TCF7L2: variants seen among roughly 807,000 people sequenced by gnomAD.
TCF7L2 encodes transcription factor 7 like 2.
TCF7L2 carries 23 observed loss-of-function variants against 77.9 expected under a neutral mutation model. The ratio of observed to expected loss-of-function variants is 0.30; its 90% confidence interval spans 0.21 to 0.42. The LOEUF is 0.42. Ranked by LOEUF, TCF7L2 falls within the 10% of genes least tolerant of loss-of-function variation. The pLI is 1.00. For missense variants in TCF7L2, 654 were observed against 793.1 expected (o/e 0.82, Z 2.11); for synonymous variants, 413 against 340.2 (o/e 1.21, Z -2.36).
At chr10:113,072,093 G>A (rs1440678210) in intron 5 of TCF7L2, among the ~76,000 whole-genome samples, 2 of 152,298 alleles carry the variant, frequency 1.3e-5, no homozygotes, top group East Asian at 1.9e-4. Context: ...GTCTTGCTCT[G>A]TCGCCCAGGC....
chr10:113,009,991 T>G (rs964803940), intron 4 of TCF7L2, among the ~76,000 whole-genome samples: 3 of 152,024 alleles, frequency 2.0e-5, no homozygotes, highest in African/African-American at 7.2e-5. Flanking sequence ...TAACCCTGTG[T>G]GTCACCCACG....
chr10:113,095,340 C>G (rs1752029448), intron 5 of TCF7L2, among the ~76,000 whole-genome samples: 1 of 152,186 alleles, frequency 6.6e-6, no homozygotes, highest in Non-Finnish European at 1.5e-5. Flanking sequence ...CCTCTCTACC[C>G]CAGTTCATGC....
intron 5 of TCF7L2, among the ~76,000 whole-genome samples, chr10:113,044,691 T>C (rs1427885146): frequency 2.0e-5 from 3 of 152,110 alleles, no homozygotes; most frequent in Admixed American, 6.5e-5. Flanking sequence ...AAATGAGATC[T>C]GAAGGCTTGA....
intron 3 of TCF7L2, among the ~76,000 whole-genome samples, chr10:112,952,905 C>A (rs1158705038): frequency 1.3e-5 from 2 of 149,954 alleles, no homozygotes; most frequent in East Asian, 4.1e-4. Context: ...GCCTGGATTA[C>A]GAATCCCTGG....
chr10:112,973,987 G>C (rs143883180), intron 4 of TCF7L2, among the ~76,000 whole-genome samples: 17 of 152,148 alleles, frequency 1.1e-4, no homozygotes, highest in Non-Finnish European at 2.1e-4. Context: ...GAGGTGAATG[G>C]GTTGGTCCCA....
At position 113,060,805 on chromosome 10, in the gene TCF7L2, G is replaced by T. The variant is rs566276755; in HGVS notation, c.552+20679G>T. On this transcript the variant is annotated intron_variant, in intron 5 of 13. Coordinates refer to ENST00000627217, the MANE Select transcript of TCF7L2 (RefSeq NM_001146274.2). ...GAAAGAGGCGCTGTGTCCCCAAGGA[G>T]AAGACGCCGCCCAGAATGGCTGGAT... is the stretch of plus-strand genomic sequence containing the variant. 3.9e-5 allele frequency among the ~76,000 whole-genome samples: 6 copies of T among 152,152 alleles called. No individual in the cohort carries two copies. In the South Asian group the frequency reaches 1.2e-3, roughly 32 times the overall value.
In TCF7L2 at chr10:113,166,052, A is replaced by G. The variant is rs2137660474; in HGVS notation, c.*80A>G. 7.3e-7 allele frequency: 1 copy of G among 1,372,708 alleles called. No homozygotes were observed. Among genetic ancestry groups the G allele is most frequent in the Non-Finnish European group, 9.6e-7 (1 of 1,045,854 alleles). 85.0% of individuals were successfully genotyped at this position (1,372,708 alleles called of 1,614,324 possible). A position where few individuals can be genotyped will look rare whatever the true frequency, so the allele number is the denominator to read the frequency against. On this transcript the variant is annotated 3_prime_UTR_variant, in exon 14 of 14. Coordinates refer to ENST00000627217, the MANE Select transcript of TCF7L2 (RefSeq NM_001146274.2). ...ATTTGCCCCCCACCCCCACCTTGAA[A>G]GGTTTTGTTTTGTACTCTCTTAATT... is the stretch of plus-strand genomic sequence containing the variant.
rs1490899037 is a variant in TCF7L2 at position 113,166,322 on chromosome 10, A to G, written c.*350A>G. 11 of 242,004 alleles carry G rather than the reference A, an allele frequency of 4.5e-5. No individual in the cohort carries two copies. The highest frequency in any genetic ancestry group is 8.0e-5 in the Non-Finnish European group (10 of 124,954). 15.0% of individuals were successfully genotyped at this position (242,004 alleles called of 1,614,324 possible). ...CTGATTAAAAAACAAAAAGAAAAAAAAAGCAATTTTGAAGCAGCCCTCCAG... is the reference window on the plus strand; with the variant it reads ...CTGATTAAAAAACAAAAAGAAAAAAGAAGCAATTTTGAAGCAGCCCTCCAG... On this transcript the variant is annotated 3_prime_UTR_variant, in exon 14 of 14. Transcript: ENST00000627217.
intron 6 of TCF7L2, among the ~76,000 whole-genome samples, chr10:113,143,050 CT>C (rs2068662370): frequency 1.3e-5 from 2 of 152,220 alleles, no homozygotes; most frequent in Admixed American, 1.3e-4. Context: ...CCCTCCATTA[CT>C]CTGTTTTAAT....
At chr10:113,070,601 G>C (rs934458574) in intron 5 of TCF7L2, among the ~76,000 whole-genome samples, 9 of 152,186 alleles carry the variant, frequency 5.9e-5, no homozygotes, top group Admixed American at 5.2e-4. Flanking sequence ...GTGACATTTT[G>C]GAGTAGATAC....
intron 5 of TCF7L2, among the ~76,000 whole-genome samples, chr10:113,081,361 C>T (rs911546750): frequency 1.3e-5 from 2 of 152,216 alleles, no homozygotes; most frequent in Non-Finnish European, 2.9e-5. Flanking sequence ...TAGCAAGAAT[C>T]TCAGTATAAG....
rs763172072 is a variant in TCF7L2 at position 112,951,476 on chromosome 10, A to G, written c.257-7A>G. On this transcript the variant is annotated splice_polypyrimidine_tract_variant and splice_region_variant and intron_variant, in intron 2 of 13. Transcript: ENST00000627217. ...GCCGCTGTCCCCTCGCCGCCCCGCCATGTTAGCGGCCAAGAGGCAAGATGG... is the reference window on the plus strand; with the variant it reads ...GCCGCTGTCCCCTCGCCGCCCCGCCGTGTTAGCGGCCAAGAGGCAAGATGG... 1.4e-6 allele frequency: 2 copies of G among 1,415,450 alleles called. No homozygotes were observed. Among genetic ancestry groups the G allele is most frequent in the Non-Finnish European group, 9.4e-7 (1 of 1,061,416 alleles). 87.7% of individuals were successfully genotyped at this position (1,415,450 alleles called of 1,614,324 possible). A position where few individuals can be genotyped will look rare whatever the true frequency, so the allele number is the denominator to read the frequency against.
intron 8 of TCF7L2, among the ~76,000 whole-genome samples, chr10:113,147,945 C>G (rs1052720248): frequency 2.0e-5 from 3 of 151,884 alleles, no homozygotes; most frequent in Non-Finnish European, 4.4e-5. Flanking sequence ...CCAGGTAGGC[C>G]AAATGAAAGA....
intron 5 of TCF7L2, among the ~76,000 whole-genome samples, chr10:113,123,862 C>T (rs1205336313): frequency 1.3e-5 from 2 of 152,086 alleles, no homozygotes; most frequent in East Asian, 1.9e-4. Flanking sequence ...TCCTCTTAAC[C>T]GATTTTGTCT....
intron 4 of TCF7L2, among the ~76,000 whole-genome samples, chr10:112,993,745 G>A (rs2043001210): frequency 6.6e-6 from 1 of 152,086 alleles, no homozygotes; most frequent in Non-Finnish European, 1.5e-5. Context: ...CCAAACCTCA[G>A]GTCTATTCTT....
In TCF7L2 at chr10:113,166,238, T is replaced by TAA. The variant is rs1010743535; in HGVS notation, c.*271_*272dup. The TAA allele has an allele frequency of 3.1e-6, 1 of 322,116 alleles. No homozygotes were observed. Among genetic ancestry groups the TAA allele is most frequent in the South Asian group, 1.5e-4 (1 of 6,564 alleles). 20.0% of individuals were successfully genotyped at this position (322,116 alleles called of 1,614,324 possible). Reference sequence around the variant, plus strand: ...AGCTGTTTAAAGTCTTTGTAGCGTTTAAAAAATATATATATATACATAACT... The same window carrying TAA: ...AGCTGTTTAAAGTCTTTGTAGCGTTTAAAAAAAATATATATATATACATAACT... On this transcript the variant is annotated 3_prime_UTR_variant, in exon 14 of 14. Coordinates refer to ENST00000627217, the MANE Select transcript of TCF7L2 (RefSeq NM_001146274.2).
At chr10:113,157,876 G>C in intron 11 of TCF7L2, 145 bp from the exon 12 acceptor site, 2 of 785,868 alleles carry the variant, frequency 2.5e-6, no homozygotes, top group South Asian at 1.7e-5. Flanking sequence ...AAGCGGGGTT[G>C]GAGGTTGGAC....
At chr10:113,076,403 G>T (rs955685636) in intron 5 of TCF7L2, among the ~76,000 whole-genome samples, 2 of 152,126 alleles carry the variant, frequency 1.3e-5, no homozygotes, top group Non-Finnish European at 2.9e-5. Flanking sequence ...CTCCCAAAGT[G>T]CTGGGATTAC....
At chr10:113,026,104 C>T (rs1214919445) in intron 4 of TCF7L2, among the ~76,000 whole-genome samples, 1 of 151,848 alleles carries the variant, frequency 6.6e-6, no homozygotes, top group Non-Finnish European at 1.5e-5. Context: ...GTCTTGAACT[C>T]CTGACCTCAG....
Sources: allele counts gnomAD v4.1 joint callset (sites outside exome capture counted in the v4.1 genomes callset), GRCh38; gene constraint gnomAD v4.1.1; transcripts MANE v1.5; gene names NCBI Gene and HGNC (gene_info 2026-07-23, HGNC 2026-07-21).